The following SCN2A variants were observed in gnomAD, a reference collection of about 807,000 sequenced individuals.
The protein encoded by SCN2A is sodium voltage-gated channel alpha subunit 2.
SCN2A carries 20 observed loss-of-function variants against 188.7 expected under a neutral mutation model. The observed-to-expected ratio is 0.11, with a 90% CI of 0.07 to 0.15. The LOEUF is 0.15. SCN2A is among the 10% of genes least tolerant of loss of function. SCN2A has a pLI of 1.00. For missense variants in SCN2A, 1,278 were observed against 2,445.0 expected (o/e 0.52, Z 10.07); for synonymous variants, 804 against 833.1 (o/e 0.97, Z 0.60).
chr2:165,324,679 C>T (rs1003172104), intron 12 of SCN2A, among the ~76,000 whole-genome samples: 1 of 152,160 alleles, frequency 6.6e-6, no homozygotes, highest in African/African-American at 2.4e-5. Flanking sequence ...ATCATTTAAG[C>T]ATCATAACAA....
intron 10 of SCN2A, among the ~76,000 whole-genome samples, chr2:165,314,392 T>G (rs1309212088): frequency 6.6e-6 from 1 of 152,178 alleles, no homozygotes; most frequent in Non-Finnish European, 1.5e-5. Flanking sequence ...AAAGGCCTCA[T>G]GTACTCAAAC....
chr2:165,345,469 G>A (rs1160309152), intron 16 of SCN2A, among the ~76,000 whole-genome samples: 1 of 151,784 alleles, frequency 6.6e-6, no homozygotes, highest in Non-Finnish European at 1.5e-5. Context: ...CCATTATGTA[G>A]TGTCTTTCTT....
chr2:165,371,658 T>C (rs1701032237), intron 20 of SCN2A: 1 of 152,096 alleles, frequency 6.6e-6, no homozygotes, highest in Non-Finnish European at 1.5e-5. Context: ...GCCTTTGTAA[T>C]GGGATGATAA....
intron 8 of SCN2A, 151 bp from the exon 9 acceptor site, chr2:165,313,469 T>G: frequency 1.3e-6 from 1 of 756,034 alleles, no homozygotes; most frequent in Non-Finnish European, 2.3e-6. Flanking sequence ...ATCAGTCCAC[T>G]TAGTGCTGAG....
At chr2:165,265,471 C>CTCTA (rs1380825419) in intron 1 of SCN2A, among the ~76,000 whole-genome samples, 7 of 29,020 alleles carry the variant, frequency 2.4e-4, no homozygotes, top group African/African-American at 6.3e-4. Context: ...CTCTGTTGAT[C>CTCTA]TATATATATA....
rs1438338717 is a variant in SCN2A, at chr2:165,315,402, A to G, written c.1384-69A>G. ...ATTATCTTCATGATATTGAAGCTCAATTAAGCAGTAACATGATAATTACTT... is the reference window on the plus strand; with the variant it reads ...ATTATCTTCATGATATTGAAGCTCAGTTAAGCAGTAACATGATAATTACTT... On this transcript the variant is annotated intron_variant, in intron 10 of 26. Coordinates refer to ENST00000375437, the MANE Select transcript of SCN2A (RefSeq NM_001040142.2). 3.7e-6 allele frequency: 6 copies of G among 1,603,162 alleles called. No individual in the cohort carries two copies. The East Asian group carries it at 8.9e-5, about 24-fold the overall frequency.
chr2:165,337,654 C>T (rs1340932907), intron 14 of SCN2A, among the ~76,000 whole-genome samples: 2 of 151,628 alleles, frequency 1.3e-5, no homozygotes, highest in African/African-American at 2.4e-5. Context: ...AGAAAGTGGC[C>T]AGATAAAATA....
chr2:165,365,075 C>A, intron 17 of SCN2A, 68 bp from the exon 18 acceptor site: 1 of 1,404,898 alleles, frequency 7.1e-7, no homozygotes, highest in Non-Finnish European at 9.8e-7. Flanking sequence ...GGGGGCACAC[C>A]TAATTAATTT....
Position 165,391,698 on chromosome 2 carries a change from G to T in SCN2A, c.*1874G>T, listed in dbSNP as rs1359510141. 1 of 152,390 alleles carries T rather than the reference G, an allele frequency of 6.6e-6. No homozygotes were observed. The highest frequency in any genetic ancestry group is 2.4e-5 in the African/African-American group (1 of 41,420). 9.4% of individuals were successfully genotyped at this position (152,390 alleles called of 1,614,324 possible). On this transcript the variant is annotated 3_prime_UTR_variant, in exon 27 of 27. Transcript: ENST00000375437. ...TCAGCTGATACTCTTGGCATTGCTT[G>T]AATCCAATGTTTCCACCTAGTCTTT...
intron 11 of SCN2A, among the ~76,000 whole-genome samples, chr2:165,317,302 G>C (rs1040908453): frequency 6.7e-6 from 1 of 150,240 alleles, no homozygotes; most frequent in African/African-American, 2.5e-5. Context: ...TCCTTTAAAA[G>C]GCAAACCCCC....
chr2:165,250,489 TCACACA>T (rs3029614), intron 1 of SCN2A, among the ~76,000 whole-genome samples: 26,811 of 148,126 alleles, frequency 0.18, 2,367 homozygotes, highest in South Asian at 0.25. Context: ...TTGCTCTATT[TCACACA>T]CACACACACA....
At chr2:165,352,846 T>C (rs1358524678) in intron 16 of SCN2A, among the ~76,000 whole-genome samples, 1 of 152,308 alleles carries the variant, frequency 6.6e-6, no homozygotes, top group South Asian at 2.1e-4. Context: ...AAAACACTTC[T>C]GGCCCCAAGC....
intron 18 of SCN2A, among the ~76,000 whole-genome samples, chr2:165,365,695 G>A (rs2105356797): frequency 1.3e-5 from 2 of 151,922 alleles, no homozygotes; most frequent in African/African-American, 4.8e-5. Context: ...TATTATAATG[G>A]GTAATAATTG....
chr2:165,328,430 T>A (rs1327447562), intron 13 of SCN2A: 1 of 969,696 alleles, frequency 1.0e-6, no homozygotes. Context: ...TTGTCTGGCC[T>A]TCCGCTCCTT....
At chr2:165,318,195 G>T (rs965554061) in intron 11 of SCN2A, among the ~76,000 whole-genome samples, 1 of 152,138 alleles carries the variant, frequency 6.6e-6, no homozygotes, top group Non-Finnish European at 1.5e-5. Flanking sequence ...ACTATACAAT[G>T]CAAGCCTTTA....
At chr2:165,375,930 T>C (rs1439677362) in intron 22 of SCN2A, among the ~76,000 whole-genome samples, 1 of 151,654 alleles carries the variant, frequency 6.6e-6, no homozygotes, top group African/African-American at 2.4e-5. Context: ...CTGGAGGAAA[T>C]TAAGTGAAAT....
intron 1 of SCN2A, chr2:165,272,486 TA>T (rs1413216337): frequency 6.6e-6 from 1 of 152,022 alleles, no homozygotes; most frequent in South Asian, 2.1e-4. Flanking sequence ...ACAACTTGAA[TA>T]ACATTATCAG....
intron 12 of SCN2A, among the ~76,000 whole-genome samples, chr2:165,325,752 T>C (rs997933998): frequency 2.6e-5 from 4 of 152,292 alleles, no homozygotes; most frequent in Admixed American, 2.0e-4. Flanking sequence ...TTACTAATTT[T>C]ACTTGTTTTT....
At chr2:165,385,861 G>A (rs1701841562) in intron 25 of SCN2A, among the ~76,000 whole-genome samples, 2 of 152,042 alleles carry the variant, frequency 1.3e-5, no homozygotes, top group African/African-American at 4.8e-5. Context: ...GTTGCTTAAA[G>A]TAAAATTAAT....
Sources: gnomAD v4.1 joint callset for allele counts (sites outside exome capture counted in the v4.1 genomes callset) on GRCh38, gnomAD v4.1.1 for gene constraint, MANE v1.5 for transcripts, NCBI Gene and HGNC (gene_info 2026-07-23, HGNC 2026-07-21) for gene names.